The following ADARB2 variants were observed in gnomAD, a reference collection of about 807,000 sequenced individuals.
ADARB2 encodes adenosine deaminase RNA specific B2 (inactive), also known as inactive double-stranded RNA-specific editase B2.
ADARB2 carries 25 observed loss-of-function variants against 62.2 expected under a neutral mutation model. The ratio of observed to expected loss-of-function variants is 0.40; its 90% CI spans 0.29 to 0.56. The LOEUF is 0.56. Ranked by LOEUF, ADARB2 falls within the 20% of genes least tolerant of loss-of-function variation. ADARB2 has a pLI of 0.43. For missense variants in ADARB2, 1,071 were observed against 1,077.4 expected, an observed-to-expected ratio of 0.99 and a Z score of 0.08; for synonymous variants, 572 against 500.8, an observed-to-expected ratio of 1.14 and a Z score of -1.90.
chr10:1,452,621 G>C (rs181181877), intron 1 of ADARB2, among the ~76,000 whole-genome samples: 2,001 of 149,870 alleles, frequency 0.013, 23 homozygotes, highest in Non-Finnish European at 0.02. Context: ...GGGGGTTGGG[G>C]GGGGGAATAT....
intron 3 of ADARB2, among the ~76,000 whole-genome samples, chr10:1,287,495 A>G (rs1225453917): frequency 6.6e-6 from 1 of 152,098 alleles, no homozygotes; most frequent in Non-Finnish European, 1.5e-5. Flanking sequence ...CCTCCTGTCT[A>G]CCTGAAACCT....
intron 1 of ADARB2, among the ~76,000 whole-genome samples, chr10:1,513,797 T>C (rs541568765): frequency 6.6e-6 from 1 of 152,304 alleles, no homozygotes; most frequent in South Asian, 2.1e-4. Flanking sequence ...CTTGAAGTGA[T>C]AGCCGGTGAA....
intron 1 of ADARB2, among the ~76,000 whole-genome samples, chr10:1,723,450 G>A (rs186691896): frequency 2.1e-3 from 321 of 152,290 alleles, no homozygotes; most frequent in Non-Finnish European, 3.9e-3. Flanking sequence ...TCACCATCTC[G>A]CTTTCTTCGG....
intron 3 of ADARB2, among the ~76,000 whole-genome samples, chr10:1,295,851 C>G (rs1375089119): frequency 6.6e-6 from 1 of 152,178 alleles, no homozygotes; most frequent in Non-Finnish European, 1.5e-5. Context: ...GATTCACAGA[C>G]TGTAGTAGGA....
At chr10:1,314,902 G>A (rs150815476) in intron 3 of ADARB2, among the ~76,000 whole-genome samples, 319 of 152,314 alleles carry the variant, frequency 2.1e-3, no homozygotes, top group African/African-American at 6.9e-3. Flanking sequence ...TTCACTGTTG[G>A]TGCAAAATTC....
chr10:1,297,322 C>A (rs1831531918), intron 3 of ADARB2, among the ~76,000 whole-genome samples: 1 of 152,210 alleles, frequency 6.6e-6, no homozygotes, highest in Admixed American at 6.5e-5. Flanking sequence ...TGTTTCTTCA[C>A]TGCAACTGAG....
chr10:1,407,186 C>T (rs930814740), intron 1 of ADARB2, among the ~76,000 whole-genome samples: 1 of 152,194 alleles, frequency 6.6e-6, no homozygotes, highest in African/African-American at 2.4e-5. Flanking sequence ...ACAGACCGAG[C>T]GGACCCCATA....
chr10:1,611,154 C>T (rs1374537758), intron 1 of ADARB2, among the ~76,000 whole-genome samples: 1 of 152,192 alleles, frequency 6.6e-6, no homozygotes, highest in African/African-American at 2.4e-5. Context: ...CCGGCTTTCC[C>T]CAGAAAGGCT....
At chr10:1,714,345 G>A (rs1489976454) in intron 1 of ADARB2, among the ~76,000 whole-genome samples, 3 of 152,192 alleles carry the variant, frequency 2.0e-5, no homozygotes, top group Non-Finnish European at 2.9e-5. Context: ...ATTTTTTAAG[G>A]CTAATTGCCA....
rs572946122 is a variant in ADARB2 at position 1,334,552 on chromosome 10, G to A, written c.1077+28476C>T. 7.0e-4 allele frequency among the ~76,000 whole-genome samples: 106 copies of A among 152,244 alleles called. 1 individual carries two copies. Among genetic ancestry groups the A allele is most frequent in the African/African-American group, 1.8e-3 (74 of 41,534 alleles). ...TATATAAATGCATTTATTATCATTC[G>A]TATCTGCAAATCTGGCTACTCACAT... On this transcript the variant is annotated intron_variant, in intron 3 of 9. Transcript: ENST00000381312.
chr10:1,358,924 G>A (rs1832223041), intron 3 of ADARB2, among the ~76,000 whole-genome samples: 2 of 152,156 alleles, frequency 1.3e-5, no homozygotes, highest in African/African-American at 2.4e-5. Flanking sequence ...TGGCATTATA[G>A]TTTACTTTAT....
intron 1 of ADARB2, among the ~76,000 whole-genome samples, chr10:1,562,375 G>T (rs1321489618): frequency 6.6e-6 from 1 of 152,148 alleles, no homozygotes; most frequent in East Asian, 1.9e-4. Flanking sequence ...TTAGGATCGG[G>T]GCTCTGCCAT....
At chr10:1,412,182 G>A (rs954170081) in intron 1 of ADARB2, among the ~76,000 whole-genome samples, 12 of 152,282 alleles carry the variant, frequency 7.9e-5, no homozygotes, top group Admixed American at 2.0e-4. Flanking sequence ...GATGCTGGAC[G>A]GGTTCGGAGC....
chr10:1,306,526 C>T (rs1831631221), intron 3 of ADARB2, among the ~76,000 whole-genome samples: 1 of 152,010 alleles, frequency 6.6e-6, no homozygotes, highest in African/African-American at 2.4e-5. Context: ...ATCAAGCTAC[C>T]AATGCCTGTC....
In ADARB2 at chr10:1,647,418, T is replaced by A. The variant is rs535100679; in HGVS notation, c.100+89633A>T. ...ATGTGCATACATGTGTGTGCATATA[T>A]GTGTATACATATGTGTATACCTGTG... On this transcript the variant is annotated intron_variant, in intron 1 of 9. Coordinates refer to ENST00000381312, the MANE Select transcript of ADARB2 (RefSeq NM_018702.4). Among the ~76,000 whole-genome samples the A allele has an allele frequency of 2.0e-5, 3 of 152,322 alleles. No homozygotes were observed. In the East Asian group the frequency reaches 5.8e-4, roughly 29 times the overall value.
intron 1 of ADARB2, among the ~76,000 whole-genome samples, chr10:1,574,389 G>T (rs984633227): frequency 9.9e-5 from 15 of 152,236 alleles, no homozygotes; most frequent in African/African-American, 3.4e-4. Context: ...TTAGGAAAGA[G>T]AATTGGGCAG....
intron 1 of ADARB2, chr10:1,526,946 T>C (rs779242860): frequency 5.3e-6 from 2 of 375,650 alleles, no homozygotes; most frequent in Admixed American, 5.9e-5. Flanking sequence ...TTTGCATTTG[T>C]TAATAATTAT....
chr10:1,224,934 A>G (rs1190313514), intron 6 of ADARB2, among the ~76,000 whole-genome samples: 6 of 152,266 alleles, frequency 3.9e-5, no homozygotes, highest in East Asian at 3.9e-4. Flanking sequence ...TATTAGGTCC[A>G]CTTGGTGCAG....
chr10:1,650,831 G>A (rs1328500544), intron 1 of ADARB2, among the ~76,000 whole-genome samples: 1 of 152,154 alleles, frequency 6.6e-6, no homozygotes, highest in Non-Finnish European at 1.5e-5. Flanking sequence ...GCAGAGGGTC[G>A]AGGGACACTG....
Sources: gnomAD v4.1 joint callset for allele counts (sites outside exome capture counted in the v4.1 genomes callset) on GRCh38, gnomAD v4.1.1 for gene constraint, MANE v1.5 for transcripts, NCBI Gene and HGNC (gene_info 2026-07-23, HGNC 2026-07-21) for gene names.